METTL15: variants seen among roughly 807,000 people sequenced by gnomAD.
The protein encoded by METTL15 is 12S rRNA N(4)-cytidine methyltransferase METTL15.
A neutral mutation model predicts 38.3 loss-of-function variants in METTL15; 34 were observed. That is an observed-to-expected ratio of 0.89 (90% confidence interval 0.68 to 1.18). METTL15 has a LOEUF of 1.18. Ranked by LOEUF, METTL15 falls within the 50% of genes most tolerant of loss-of-function variation. METTL15 has a pLI of 0.00. For synonymous variants in METTL15, 162 were observed against 170.9 expected (o/e 0.95, Z 0.41); for missense variants, 438 against 498.4 (o/e 0.88, Z 1.15).
downstream of METTL15, among the ~76,000 whole-genome samples, chr11:28,528,944 C>T (rs529013154): frequency 2.4e-4 from 37 of 152,078 alleles, no homozygotes; most frequent in African/African-American, 8.7e-4. Flanking sequence ...TGGCATGAGG[C>T]AAATGTTTGA....
intron 6 of METTL15, among the ~76,000 whole-genome samples, chr11:28,487,669 A>G (rs1473020145): frequency 6.6e-6 from 1 of 152,138 alleles, no homozygotes; most frequent in East Asian, 1.9e-4. Context: ...AAAAGAAACA[A>G]TTGCTTAGAA....
chr11:28,513,977 G>A (rs1162176216), intron 6 of METTL15, among the ~76,000 whole-genome samples: 4 of 152,214 alleles, frequency 2.6e-5, no homozygotes, highest in Non-Finnish European at 4.4e-5. Context: ...GCCAGTTTAT[G>A]GCCAGATTTT....
intron 3 of METTL15, among the ~76,000 whole-genome samples, chr11:28,142,220 G>A (rs1849723458): frequency 6.6e-6 from 1 of 152,188 alleles, no homozygotes; most frequent in East Asian, 1.9e-4. Flanking sequence ...GTTACAGTGA[G>A]TGGACTAGAG....
chr11:28,408,980 T>C (rs1244597043), intron 5 of METTL15, among the ~76,000 whole-genome samples: 5 of 152,146 alleles, frequency 3.3e-5, no homozygotes, highest in African/African-American at 9.7e-5. Context: ...AACAAACATA[T>C]AGAATTTTTC....
At chr11:28,121,342 T>C (rs568638596) in intron 3 of METTL15, among the ~76,000 whole-genome samples, 1 of 152,302 alleles carries the variant, frequency 6.6e-6, no homozygotes, top group African/African-American at 2.4e-5. Flanking sequence ...ATTAGTGTTA[T>C]CAGTTGATTT....
chr11:28,268,565 A>G (rs999078889), intron 4 of METTL15, among the ~76,000 whole-genome samples: 1 of 152,166 alleles, frequency 6.6e-6, no homozygotes, highest in Non-Finnish European at 1.5e-5. Flanking sequence ...TATTATATAT[A>G]CTATATAAAT....
chr11:28,117,380 A>G (rs2133598366), intron 3 of METTL15, among the ~76,000 whole-genome samples: 1 of 151,548 alleles, frequency 6.6e-6, no homozygotes, highest in South Asian at 2.1e-4. Flanking sequence ...AAACCGAAGC[A>G]CATTGTATTA....
At chr11:28,296,538 GA>G (rs1856740997) in intron 5 of METTL15, among the ~76,000 whole-genome samples, 1 of 152,216 alleles carries the variant, frequency 6.6e-6, no homozygotes, top group African/African-American at 2.4e-5. Flanking sequence ...CCTTGACCTT[GA>G]TGAATGTTAT....
chr11:28,348,491 CT>C (rs1236047420), intron 3 of METTL15, among the ~76,000 whole-genome samples: 1 of 151,920 alleles, frequency 6.6e-6, no homozygotes, highest in Non-Finnish European at 1.5e-5. Context: ...ACTCAGCCTT[CT>C]GAGTAGCAGG....
At chr11:28,376,677 T>G (rs1850316418) in intron 5 of METTL15, among the ~76,000 whole-genome samples, 1 of 152,052 alleles carries the variant, frequency 6.6e-6, no homozygotes, top group Non-Finnish European at 1.5e-5. Flanking sequence ...TTAATAGTGT[T>G]ATGTGTGAAT....
chr11:28,288,004 A>G (rs1043532375), intron 4 of METTL15, among the ~76,000 whole-genome samples: 3 of 152,064 alleles, frequency 2.0e-5, no homozygotes, highest in Non-Finnish European at 2.9e-5. Flanking sequence ...AGGGGAATAT[A>G]TGTGATTAAT....
chr11:28,471,082 G>A (rs1224740142), intron 6 of METTL15, among the ~76,000 whole-genome samples: 2 of 152,010 alleles, frequency 1.3e-5, no homozygotes, highest in African/African-American at 4.8e-5. Context: ...ATCACCTGGG[G>A]CTAGAGCCAT....
chr11:28,109,067 GCTT>G lies in METTL15; in HGVS notation c.-254+616_-254+618del, dbSNP rs1395354015. On this transcript the variant is annotated intron_variant, in intron 1 of 6. Coordinates refer to ENST00000407364, the MANE Select transcript of METTL15 (RefSeq NM_001113528.2). Reference sequence around the variant, plus strand: ...TGGAATCAAACTCTTCCCTCTTGGAGCTTATATTTTGTGGATTCAATATCACTT... The same window carrying G: ...TGGAATCAAACTCTTCCCTCTTGGAGATATTTTGTGGATTCAATATCACTT... Among the ~76,000 whole-genome samples the G allele has an allele frequency of 3.9e-5, 6 of 152,216 alleles. No individual in the cohort carries two copies. The East Asian group carries it at 1.2e-3, about 29-fold the overall frequency.
intron 6 of METTL15, among the ~76,000 whole-genome samples, chr11:28,463,910 C>T (rs1043319557): frequency 2.0e-5 from 3 of 151,912 alleles, no homozygotes; most frequent in Non-Finnish European, 4.4e-5. Flanking sequence ...TAAACACAAC[C>T]CTGTCAGAGT....
At chr11:28,359,283 A>G (rs1424869137) in intron 4 of METTL15, among the ~76,000 whole-genome samples, 4 of 152,212 alleles carry the variant, frequency 2.6e-5, no homozygotes, top group East Asian at 1.9e-4. Flanking sequence ...TTATGGCTAC[A>G]TAGTATTTCA....
chr11:28,463,943 C>G (rs1354201077), intron 6 of METTL15, among the ~76,000 whole-genome samples: 6 of 152,058 alleles, frequency 3.9e-5, no homozygotes, highest in Non-Finnish European at 7.4e-5. Flanking sequence ...AATCCTTCCT[C>G]ATGTCAGAAA....
intron 3 of METTL15, among the ~76,000 whole-genome samples, chr11:28,188,748 G>A (rs1161830715): frequency 6.6e-6 from 1 of 151,072 alleles, no homozygotes; most frequent in Non-Finnish European, 1.5e-5. Flanking sequence ...TGGTAGCATA[G>A]TTTTTATTAT....
intron 4 of METTL15, among the ~76,000 whole-genome samples, chr11:28,221,140 G>A (rs1297696901): frequency 5.9e-5 from 9 of 152,108 alleles, no homozygotes; most frequent in South Asian, 2.1e-4. Context: ...CTCCTGGATA[G>A]TATCCTGCAG....
chr11:28,379,653 C>A (rs1184790717), intron 5 of METTL15, among the ~76,000 whole-genome samples: 1 of 152,118 alleles, frequency 6.6e-6, no homozygotes, highest in Non-Finnish European at 1.5e-5. Context: ...GAGAATGTTT[C>A]ATGTACTGAT....
Sources: allele counts gnomAD v4.1 joint callset (sites outside exome capture counted in the v4.1 genomes callset), GRCh38; gene constraint gnomAD v4.1.1; transcripts MANE v1.5; gene names NCBI Gene and HGNC (gene_info 2026-07-23, HGNC 2026-07-21).